Variants in CSMD2 observed in about 807,000 individuals in gnomAD.
CSMD2 encodes CUB and sushi domain-containing protein 2.
In CSMD2, 130 loss-of-function variants were observed where a neutral mutation model predicts 398.5. The ratio of observed to expected loss-of-function variants is 0.33; its 90% CI spans 0.28 to 0.38. The LOEUF is 0.38. Among genes scored for constraint, CSMD2 ranks in the 10% least tolerant of loss-of-function variants. The pLI is 1.00. For synonymous variants in CSMD2, 1,828 were observed against 1,908.5 expected, an observed-to-expected ratio of 0.96 and a Z score of 1.10; for missense variants, 3,829 against 4,764.9, an observed-to-expected ratio of 0.80 and a Z score of 5.78.
chr1:33,798,992 A>C (rs570829639), intron 10 of CSMD2, among the ~76,000 whole-genome samples: 1 of 152,298 alleles, frequency 6.6e-6, no homozygotes, highest in South Asian at 2.1e-4. Flanking sequence ...TGTTTTGTTT[A>C]AGGACTGCTT....
At chr1:33,724,952 G>C (rs1388901683) in intron 17 of CSMD2, among the ~76,000 whole-genome samples, 1 of 152,224 alleles carries the variant, frequency 6.6e-6, no homozygotes, top group African/African-American at 2.4e-5. Flanking sequence ...GGTCTACAGA[G>C]AACTGAAGTG....
intron 5 of CSMD2, among the ~76,000 whole-genome samples, chr1:33,897,709 A>G (rs913912475): frequency 6.6e-6 from 1 of 152,196 alleles, no homozygotes; most frequent in Non-Finnish European, 1.5e-5. Context: ...AATGAGCTCA[A>G]TTCACCTGAG....
Position 33,569,411 on chromosome 1 carries a change from G to A in CSMD2, c.8094C>T (p.Ala2698=). The A allele has an allele frequency of 6.2e-7, 1 of 1,614,182 alleles. No homozygotes were observed. The highest frequency in any genetic ancestry group is 8.5e-7 in the Non-Finnish European group (1 of 1,180,014). ...LVGSRVRECM[A]NGLWSGSEVR... Reference sequence around the variant, plus strand: ...CTTCAGAGCCACTCCAGAGCCCATTGGCCATGCACTCACGCACCCTGGAGC... The same window carrying A: ...CTTCAGAGCCACTCCAGAGCCCATTAGCCATGCACTCACGCACCCTGGAGC... Residue 2698 remains alanine, a synonymous_variant, in exon 52 of 71, where the codon GCC becomes GCT. Transcript: ENST00000373381.
intron 3 of CSMD2, among the ~76,000 whole-genome samples, chr1:33,971,364 C>A (rs1362189339): frequency 6.6e-6 from 1 of 152,226 alleles, no homozygotes; most frequent in Non-Finnish European, 1.5e-5. Context: ...CGCGACCAAT[C>A]TTCCTCCGGC....
intron 58 of CSMD2, 151 bp from the exon 59 acceptor site, chr1:33,541,460 A>C: frequency 1.5e-6 from 1 of 645,904 alleles, no homozygotes. Flanking sequence ...GTTGGACATT[A>C]CCCATTCTAA....
intron 44 of CSMD2, chr1:33,599,497 C>T (rs1156818956): frequency 6.6e-6 from 1 of 152,166 alleles, no homozygotes; most frequent in African/African-American, 2.4e-5. Flanking sequence ...TTATATGATT[C>T]CTATTTTGTG....
intron 1 of CSMD2, among the ~76,000 whole-genome samples, chr1:34,154,774 CTGGAGTGCAGTGATGCAATCT>C (rs1319305134): frequency 1.4e-5 from 2 of 142,188 alleles, no homozygotes; most frequent in African/African-American, 5.3e-5. Flanking sequence ...ATCACCCAGG[CTGGAGTGCAGTGATGCAATCT>C]CGGCTCACTG....
At chr1:33,751,045 A>T (rs1183131251) in intron 13 of CSMD2, among the ~76,000 whole-genome samples, 1 of 152,096 alleles carries the variant, frequency 6.6e-6, no homozygotes, top group Non-Finnish European at 1.5e-5. Context: ...TCTATGAAGA[A>T]TTGGAATTTG....
At chr1:33,746,596 T>C (rs1253771130) in intron 13 of CSMD2, among the ~76,000 whole-genome samples, 1 of 152,206 alleles carries the variant, frequency 6.6e-6, no homozygotes, top group East Asian at 1.9e-4. Context: ...CTGCTTATCA[T>C]TCTCTAAAAT....
At chr1:33,569,769 C>T (rs1000639120) in intron 51 of CSMD2, among the ~76,000 whole-genome samples, 1 of 152,210 alleles carries the variant, frequency 6.6e-6, no homozygotes, top group African/African-American at 2.4e-5. Context: ...GGCTCCACTG[C>T]AGGTGCCTGA....
At chr1:33,606,946 G>T (rs1275353577) in intron 41 of CSMD2, among the ~76,000 whole-genome samples, 1 of 152,196 alleles carries the variant, frequency 6.6e-6, no homozygotes, top group Non-Finnish European at 1.5e-5. Context: ...GAGGAGGAAG[G>T]ATGAACTTCC....
intron 5 of CSMD2, among the ~76,000 whole-genome samples, chr1:33,892,648 A>AT (rs1327179821): frequency 6.6e-6 from 1 of 152,166 alleles, no homozygotes; most frequent in Non-Finnish European, 1.5e-5. Flanking sequence ...AAAAGACACT[A>AT]TTTCATTCCT....
chr1:33,648,758 A>G (rs975756355), intron 28 of CSMD2, among the ~76,000 whole-genome samples: 4 of 152,164 alleles, frequency 2.6e-5, no homozygotes, highest in African/African-American at 9.7e-5. Flanking sequence ...CTCTCATCCA[A>G]CAAGGGTAAT....
chr1:33,638,495 T>C (rs185722573), intron 29 of CSMD2, among the ~76,000 whole-genome samples: 131 of 152,340 alleles, frequency 8.6e-4, no homozygotes, highest in African/African-American at 3.0e-3. Context: ...ATCCAGAGCT[T>C]GAAGGCATCA....
chr1:34,060,565 G>A (rs1004531801), intron 2 of CSMD2, among the ~76,000 whole-genome samples: 1 of 152,026 alleles, frequency 6.6e-6, no homozygotes, highest in Non-Finnish European at 1.5e-5. Context: ...CAGGCATCCT[G>A]GAATTCCTTC....
intron 3 of CSMD2, among the ~76,000 whole-genome samples, chr1:33,942,106 C>T (rs1644694641): frequency 6.6e-6 from 1 of 152,190 alleles, no homozygotes; most frequent in African/African-American, 2.4e-5. Flanking sequence ...ATCCTCCCAA[C>T]AACCTATCGA....
At chr1:33,657,559 C>T (rs984010363) in intron 27 of CSMD2, among the ~76,000 whole-genome samples, 10 of 152,198 alleles carry the variant, frequency 6.6e-5, no homozygotes, top group Non-Finnish European at 5.9e-5. Flanking sequence ...CATTCTGAGG[C>T]TGTGGGTGCC....
intron 3 of CSMD2, among the ~76,000 whole-genome samples, chr1:33,955,838 T>G (rs1449896682): frequency 2.0e-5 from 3 of 152,232 alleles, no homozygotes; most frequent in African/African-American, 7.2e-5. Context: ...CTACTTTCTA[T>G]TGTTCATCTC....
intron 51 of CSMD2, among the ~76,000 whole-genome samples, 189 bp downstream of exon 51, chr1:33,571,343 C>T (rs555073965): frequency 1.3e-5 from 2 of 152,338 alleles, no homozygotes; most frequent in South Asian, 2.1e-4. Context: ...CTAAGAAATA[C>T]TTCCTTAAAG....
Sources: allele counts gnomAD v4.1 joint callset (sites outside exome capture counted in the v4.1 genomes callset), GRCh38; gene constraint gnomAD v4.1.1; transcripts MANE v1.5; gene names NCBI Gene and HGNC (gene_info 2026-07-23, HGNC 2026-07-21).